The following RGS3 variants were observed in gnomAD, a reference collection of about 807,000 sequenced individuals.
RGS3 encodes regulator of G protein signaling 3.
RGS3 carries 80 observed loss-of-function variants against 132.6 expected under a neutral mutation model. The observed-to-expected ratio is 0.60, with a 90% CI of 0.50 to 0.73. RGS3 has a LOEUF of 0.73. RGS3 is among the 30% of genes least tolerant of loss of function. The probability of loss-of-function intolerance (pLI) is 0.00; values close to 1 mark genes in which losing one functional copy is unlikely to be tolerated. For synonymous variants in RGS3, 598 were observed against 620.6 expected (o/e 0.96, Z 0.54); for missense variants, 1,382 against 1,530.8 (o/e 0.90, Z 1.62).
At chr9:113,500,045 G>A (rs72761965) in intron 10 of RGS3, among the ~76,000 whole-genome samples, 27,744 of 152,082 alleles carry the variant, frequency 0.18, 2,638 homozygotes, top group African/African-American at 0.21. Flanking sequence ...CATCAACACC[G>A]TAAGTTTGCT....
intron 18 of RGS3, among the ~76,000 whole-genome samples, chr9:113,529,725 C>T (rs1832385516): frequency 6.6e-6 from 1 of 152,186 alleles, no homozygotes; most frequent in African/African-American, 2.4e-5. Flanking sequence ...GGTATTTGTA[C>T]CTTTACCTGG....
At chr9:113,587,986 C>T (rs938470075) in intron 20 of RGS3, among the ~76,000 whole-genome samples, 2 of 152,212 alleles carry the variant, frequency 1.3e-5, no homozygotes, top group Non-Finnish European at 2.9e-5. Flanking sequence ...AAGGAAGCCC[C>T]GGAGAATAAT....
intron 19 of RGS3, chr9:113,581,479 G>C (rs996052877): frequency 2.6e-5 from 4 of 152,244 alleles, no homozygotes; most frequent in African/African-American, 9.6e-5. Flanking sequence ...CGTGCCTCTG[G>C]TTGAGGTCCT....
At chr9:113,462,094 G>T (rs113565749) in exon 3 of RGS3, 36,638 of 1,614,082 alleles carry the variant, frequency 0.023, 494 homozygotes, top group Non-Finnish European at 0.028. Context: ...ATATTCCCTG[G>T]CTGGATGGAG....
intron 17 of RGS3, among the ~76,000 whole-genome samples, chr9:113,527,838 G>C (rs552005598): frequency 6.6e-6 from 1 of 152,298 alleles, no homozygotes; most frequent in Non-Finnish European, 1.5e-5. Flanking sequence ...TTTACTTCAA[G>C]TATGTGTTAA....
exon 25 of RGS3, chr9:113,596,837 G>A (rs775160232): frequency 8.7e-6 from 14 of 1,613,654 alleles, no homozygotes; most frequent in Middle Eastern, 1.6e-4. Context: ...GGGCTGCTTC[G>A]ACCTGGCACA....
At chr9:113,516,935 A>G (rs1440399473) in intron 15 of RGS3, among the ~76,000 whole-genome samples, 1 of 152,266 alleles carries the variant, frequency 6.6e-6, no homozygotes, top group African/African-American at 2.4e-5. Context: ...TCATAAGGAC[A>G]AGTCCTGCTG....
At chr9:113,555,942 C>T (rs1833549595) in intron 19 of RGS3, among the ~76,000 whole-genome samples, 1 of 152,172 alleles carries the variant, frequency 6.6e-6, no homozygotes, top group Non-Finnish European at 1.5e-5. Flanking sequence ...TCACTTTTGT[C>T]TGTAGAGCTT....
In RGS3 at chr9:113,505,532, T is replaced by C; in HGVS notation, c.979+9T>C. ...CCAGGCCGTGGATTCCGGTAAGTTA[T>C]TGACAGGGGGATGCCAACCCCACTT... On this transcript the variant is annotated intron_variant, in intron 11 of 24. Transcript: ENST00000350696. 1 of 1,613,020 alleles carries C rather than the reference T, an allele frequency of 6.2e-7. No individual in the cohort carries two copies. The highest frequency in any genetic ancestry group is 8.5e-7 in the Non-Finnish European group (1 of 1,178,968).
exon 20 of RGS3, chr9:113,584,175 G>A (rs762157898): frequency 4.0e-5 from 65 of 1,614,126 alleles, no homozygotes; most frequent in Non-Finnish European, 4.7e-5. Flanking sequence ...TGATCGAGAC[G>A]GGCCAGGGGG....
At position 113,496,537 on chromosome 9, in the gene RGS3, TTCTC is replaced by T. The variant is rs922005712; in HGVS notation, c.750+705_750+708del. On this transcript the variant is annotated intron_variant, in intron 8 of 24. Transcript: ENST00000350696. ...ATCCTGCATGTGAGTCCTAAAGAGC[TTCTC>T]TCTCTCTCTCTCTTTTTTTTTTCTT... Among the ~76,000 whole-genome samples, 19 of 151,372 alleles carry T rather than the reference TTCTC, an allele frequency of 1.3e-4. No homozygotes were observed. The East Asian group carries it at 1.6e-3, about 12-fold the overall frequency.
exon 20 of RGS3, chr9:113,583,956 G>A (rs41301525): frequency 0.094 from 152,513 of 1,613,962 alleles, 8,327 homozygotes; most frequent in African/African-American, 0.19. Flanking sequence ...ACCCACCTGC[G>A]GCCCCCAGGC....
At chr9:113,484,142 C>A (rs1203856241) in exon 6 of RGS3, 2 of 1,602,740 alleles carry the variant, frequency 1.2e-6, no homozygotes, top group East Asian at 4.5e-5. Context: ...TTCAAGATTT[C>A]TTTGATCCCT....
intron 1 of RGS3, among the ~76,000 whole-genome samples, chr9:113,453,015 AT>A (rs1271130886): frequency 1.3e-4 from 17 of 132,298 alleles, no homozygotes; most frequent in East Asian, 4.0e-4. Flanking sequence ...TATATATTAT[AT>A]TTTATATATA....
At chr9:113,450,449 A>G (rs562470032) in intron 1 of RGS3, among the ~76,000 whole-genome samples, 1 of 152,308 alleles carries the variant, frequency 6.6e-6, no homozygotes, top group South Asian at 2.1e-4. Flanking sequence ...CAGTCACTGC[A>G]TTGGAGCTGC....
intron 19 of RGS3, among the ~76,000 whole-genome samples, chr9:113,574,463 T>C (rs1410419984): frequency 6.6e-6 from 1 of 152,176 alleles, no homozygotes; most frequent in Non-Finnish European, 1.5e-5. Context: ...GAACATGGCT[T>C]GTTGCTGTTT....
At chr9:113,521,026 T>C (rs1831928056) in intron 16 of RGS3, among the ~76,000 whole-genome samples, 1 of 152,102 alleles carries the variant, frequency 6.6e-6, no homozygotes. Context: ...AGCTCTAGGG[T>C]CCTCATCTGT....
At chr9:113,490,724 T>C (rs1830482954) in intron 7 of RGS3, among the ~76,000 whole-genome samples, 1 of 114,956 alleles carries the variant, frequency 8.7e-6, no homozygotes, top group South Asian at 2.3e-4. Flanking sequence ...TATATATAAT[T>C]ATATATAACT....
intron 19 of RGS3, among the ~76,000 whole-genome samples, chr9:113,562,002 G>C (rs1206026333): frequency 6.6e-6 from 1 of 152,192 alleles, no homozygotes. Flanking sequence ...TGCCTGTGTG[G>C]TTGGGCTGTA....
Sources: gnomAD v4.1 joint callset for allele counts (sites outside exome capture counted in the v4.1 genomes callset) on GRCh38, gnomAD v4.1.1 for gene constraint, MANE v1.5 for transcripts, NCBI Gene and HGNC (gene_info 2026-07-23, HGNC 2026-07-21) for gene names.